Variants in PHF24 observed in about 807,000 individuals in gnomAD.
PHF24 encodes Galpha inhibitory interacting protein.
A neutral mutation model predicts 42.6 loss-of-function variants in PHF24; 25 were observed. That is an observed-to-expected ratio of 0.59 (90% CI 0.43 to 0.82). The LOEUF (loss-of-function observed/expected upper bound fraction) is 0.82, where lower values mean the gene tolerates loss of function less well. PHF24 is among the 40% of genes least tolerant of loss of function. The probability of loss-of-function intolerance (pLI) is 0.00; values close to 1 mark genes in which losing one functional copy is unlikely to be tolerated. For synonymous variants in PHF24, 185 were observed against 204.8 expected (o/e 0.90, Z 0.83); for missense variants, 470 against 538.1 (o/e 0.87, Z 1.25).
chr9:34,902,540 G>A, the PHF24 span, among the ~76,000 whole-genome samples: 2 of 152,080 alleles, frequency 1.3e-5, no homozygotes, highest in Non-Finnish European at 2.9e-5. Context: ...TCCCAGCTAC[G>A]CAACTCAGGA....
At chr9:34,875,942 ACACACACACTCTCTCTCTCTCTCTCTCT>A in the PHF24 span, among the ~76,000 whole-genome samples, 14 of 86,886 alleles carry the variant, frequency 1.6e-4, no homozygotes, top group South Asian at 3.8e-4. Context: ...ACACACACAC[ACACACACACTCTCTCTCTCTCTCTCTCT>A]CTCTCTCTCT....
At chr9:34,702,213 A>G in the PHF24 span, among the ~76,000 whole-genome samples, 11 of 152,126 alleles carry the variant, frequency 7.2e-5, no homozygotes, top group Non-Finnish European at 2.9e-5. Flanking sequence ...AATTGAAAAC[A>G]AATTGGTCCT....
At chr9:34,860,687 A>AGTGT in the PHF24 span, among the ~76,000 whole-genome samples, 51,708 of 149,924 alleles carry the variant, frequency 0.34, 9,121 homozygotes, top group East Asian at 0.62. Flanking sequence ...GACCTTTAAA[A>AGTGT]GTGTGTGTGT....
At chr9:34,821,788 T>C in the PHF24 span, among the ~76,000 whole-genome samples, 1 of 152,220 alleles carries the variant, frequency 6.6e-6, no homozygotes, top group Non-Finnish European at 1.5e-5. Context: ...TCTCTCATTT[T>C]ATATCCACCT....
chr9:34,729,890 G>A, the PHF24 span, among the ~76,000 whole-genome samples: 5,876 of 152,234 alleles, frequency 0.039, 393 homozygotes, highest in African/African-American at 0.13. Flanking sequence ...TAGGGAGGGC[G>A]GAGTCTGGTT....
chr9:34,683,204 G>A, the PHF24 span, among the ~76,000 whole-genome samples: 1 of 152,152 alleles, frequency 6.6e-6, no homozygotes, highest in Non-Finnish European at 1.5e-5. Context: ...GGGATTACAG[G>A]CATGCGCCAC....
the PHF24 span, chr9:34,728,503 T>G: frequency 9.1e-7 from 1 of 1,099,770 alleles, no homozygotes; most frequent in East Asian, 2.6e-5. Context: ...AACTGGAGTC[T>G]TCAGTGGCAG....
chr9:34,701,549 G>C, the PHF24 span, among the ~76,000 whole-genome samples: 2 of 152,154 alleles, frequency 1.3e-5, no homozygotes, highest in African/African-American at 4.8e-5. The surrounding 1 kb of genome is among the most constrained non-coding windows in gnomAD (Gnocchi z 5.8). Context: ...TCCTCAGAGA[G>C]GCTGCGGTGA....
upstream of PHF24, among the ~76,000 whole-genome samples, chr9:34,954,797 A>G (rs1355616688): frequency 6.6e-6 from 1 of 152,222 alleles, no homozygotes; most frequent in Admixed American, 6.5e-5. Flanking sequence ...CTTATAAGGA[A>G]AAAAACACAT....
chr9:34,858,407 T>G, the PHF24 span, among the ~76,000 whole-genome samples: 1 of 152,188 alleles, frequency 6.6e-6, no homozygotes, highest in East Asian at 1.9e-4. Flanking sequence ...GTCCATAGGG[T>G]ATGTCCTAGA....
chr9:34,884,539 G>T, the PHF24 span, among the ~76,000 whole-genome samples: 1 of 152,150 alleles, frequency 6.6e-6, no homozygotes. Context: ...GGATAATGAG[G>T]CTGCTGGAAG....
the PHF24 span, among the ~76,000 whole-genome samples, chr9:34,836,711 G>A: frequency 6.6e-6 from 1 of 152,208 alleles, no homozygotes. Context: ...CCCATGTAAG[G>A]ATGTAGCTGT....
At chr9:34,724,393 G>A in the PHF24 span, 2 of 1,550,666 alleles carry the variant, frequency 1.3e-6, no homozygotes, top group South Asian at 2.4e-5. Context: ...CAGGAAGAGT[G>A]TCTGGTGGGA....
At chr9:34,715,092 C>G in the PHF24 span, among the ~76,000 whole-genome samples, 1 of 151,984 alleles carries the variant, frequency 6.6e-6, no homozygotes, top group African/African-American at 2.4e-5. Context: ...AGCTTAGAAT[C>G]AAGGTTAGGA....
chr9:34,922,004 T>C, the PHF24 span, among the ~76,000 whole-genome samples: 7 of 152,198 alleles, frequency 4.6e-5, no homozygotes, highest in African/African-American at 1.7e-4. Flanking sequence ...ACTCCCTAAA[T>C]GTTAACTGGC....
the PHF24 span, among the ~76,000 whole-genome samples, chr9:34,829,881 C>T: frequency 6.6e-6 from 1 of 152,146 alleles, no homozygotes; most frequent in Admixed American, 6.5e-5. Context: ...TGATAACGTT[C>T]CCTGACTTTG....
the PHF24 span, among the ~76,000 whole-genome samples, chr9:34,864,554 T>C: frequency 6.6e-6 from 1 of 152,002 alleles, no homozygotes; most frequent in African/African-American, 2.4e-5. Flanking sequence ...GGTGAAAATA[T>C]CCTTCAAAGA....
chr9:34,748,826 C>T, the PHF24 span, among the ~76,000 whole-genome samples: 1 of 151,982 alleles, frequency 6.6e-6, no homozygotes, highest in Non-Finnish European at 1.5e-5. Flanking sequence ...TCAAGACCAT[C>T]CAGGAAAACA....
chr9:34,829,732 CA>C, the PHF24 span, among the ~76,000 whole-genome samples: 9 of 152,200 alleles, frequency 5.9e-5, no homozygotes, highest in South Asian at 1.9e-3. Flanking sequence ...TTTAACCATT[CA>C]GGCAAGTTAA....
Sources: allele counts gnomAD v4.1 joint callset (sites outside exome capture counted in the v4.1 genomes callset), GRCh38; gene constraint gnomAD v4.1.1; non-coding constraint Gnocchi (gnomAD v3.1); transcripts MANE v1.5; gene names NCBI Gene and HGNC (gene_info 2026-07-23, HGNC 2026-07-21).